RARB: variants seen among roughly 807,000 people sequenced by gnomAD.
RARB encodes the protein retinoic acid receptor beta, also known as HBV-activated protein.
A neutral mutation model predicts 51.9 loss-of-function variants in RARB; 17 were observed. The ratio of observed to expected loss-of-function variants is 0.33; its 90% CI spans 0.22 to 0.49. RARB has a LOEUF of 0.49. RARB is among the 20% of genes least tolerant of loss of function. The pLI is 0.99. For synonymous variants in RARB, 215 were observed against 195.4 expected, an observed-to-expected ratio of 1.10 and a Z score of -0.84; for missense variants, 369 against 550.8, an observed-to-expected ratio of 0.67 and a Z score of 3.30.
chr3:25,587,259 G>T (rs1250807791), intron 5 of RARB, among the ~76,000 whole-genome samples: 3 of 152,172 alleles, frequency 2.0e-5, no homozygotes, highest in African/African-American at 4.8e-5. Context: ...ATGAAGTGTG[G>T]TGTCTGAGCT....
chr3:25,001,997 C>T (rs1697172151), intron 2 of RARB, among the ~76,000 whole-genome samples: 1 of 152,062 alleles, frequency 6.6e-6, no homozygotes, highest in South Asian at 2.1e-4. Context: ...TCTCAAACAC[C>T]TGGGCCCAAG....
intron 4 of RARB, among the ~76,000 whole-genome samples, chr3:25,163,340 CA>C (rs1012638409): frequency 6.6e-6 from 1 of 150,716 alleles, no homozygotes; most frequent in Non-Finnish European, 1.5e-5. Context: ...CCTGTCTCTA[CA>C]AAAAAAATAA....
At chr3:25,239,803 C>A (rs759043498) in intron 5 of RARB, among the ~76,000 whole-genome samples, 4 of 151,742 alleles carry the variant, frequency 2.6e-5, no homozygotes. Context: ...TGGTTCCATA[C>A]AAATTTTTTC....
At chr3:25,308,506 T>C (rs964251199) in intron 5 of RARB, among the ~76,000 whole-genome samples, 1 of 150,022 alleles carries the variant, frequency 6.7e-6, no homozygotes, top group Non-Finnish European at 1.5e-5. Flanking sequence ...TGGAGTGCAG[T>C]GGCGTGGTCT....
At chr3:24,882,373 ACT>A (rs1357468150) in intron 2 of RARB, among the ~76,000 whole-genome samples, 1 of 152,198 alleles carries the variant, frequency 6.6e-6, no homozygotes, top group African/African-American at 2.4e-5. Flanking sequence ...AATAAAAATA[ACT>A]CTAGCATTTA....
rs76382357 is a variant in RARB at position 24,913,874 on chromosome 3, A to G, written c.-380+55122A>G. Among the ~76,000 whole-genome samples, 690 of 152,326 alleles carry G rather than the reference A, an allele frequency of 4.5e-3. 1 individual carries two copies. Among genetic ancestry groups the G allele is most frequent in the African/African-American group, 0.016 (648 of 41,582 alleles). ...TAAAATAGTACTCCAGCACTTAGTG[A>G]CATTCGGGGTTTACTCACTATGTAT... On this transcript the variant is annotated intron_variant, in intron 2 of 11. Coordinates refer to the RARB transcript ENST00000383772.
intron 3 of RARB, among the ~76,000 whole-genome samples, chr3:25,505,371 TGGTTAA>T (rs1697531286): frequency 6.6e-6 from 1 of 152,214 alleles, no homozygotes; most frequent in South Asian, 2.1e-4. Flanking sequence ...TTATTGCCAG[TGGTTAA>T]TAAAACAATA....
At chr3:24,895,874 A>G (rs1703468570) in intron 2 of RARB, among the ~76,000 whole-genome samples, 1 of 152,206 alleles carries the variant, frequency 6.6e-6, no homozygotes, top group Admixed American at 6.5e-5. Context: ...TATACTCCCA[A>G]AAATTGAAAG....
chr3:24,883,882 A>G (rs1209042649), intron 2 of RARB, among the ~76,000 whole-genome samples: 1 of 152,104 alleles, frequency 6.6e-6, no homozygotes, highest in East Asian at 1.9e-4. Flanking sequence ...ATTTATATCT[A>G]TGTATCATAT....
intron 1 of RARB, among the ~76,000 whole-genome samples, chr3:24,836,237 A>C (rs938444501): frequency 6.6e-5 from 10 of 152,290 alleles, no homozygotes; most frequent in African/African-American, 2.2e-4. Flanking sequence ...AGGCAATTGG[A>C]ATTAGGTCTG....
intron 5 of RARB, among the ~76,000 whole-genome samples, chr3:25,196,165 C>T (rs1445970471): frequency 6.6e-6 from 1 of 151,976 alleles, no homozygotes; most frequent in African/African-American, 2.4e-5. Flanking sequence ...TGGTGTGCTG[C>T]ACCCACTAAT....
intron 2 of RARB, among the ~76,000 whole-genome samples, chr3:24,897,008 T>C (rs1206014824): frequency 6.6e-6 from 1 of 152,222 alleles, no homozygotes; most frequent in Non-Finnish European, 1.5e-5. Context: ...TCGGTAACTT[T>C]AGCTCATGGA....
intron 5 of RARB, among the ~76,000 whole-genome samples, chr3:25,311,691 T>C (rs1704293891): frequency 6.6e-6 from 1 of 152,210 alleles, no homozygotes. Context: ...AAGGGAAATA[T>C]GGAAAGGAAT....
At chr3:24,848,399 C>T (rs1225706262) in intron 1 of RARB, among the ~76,000 whole-genome samples, 1 of 150,356 alleles carries the variant, frequency 6.7e-6, no homozygotes, top group African/African-American at 2.5e-5. Flanking sequence ...AATACTGTCT[C>T]TCTTTCTTTT....
intron 2 of RARB, chr3:24,858,849 C>T (rs1173694305): frequency 6.6e-6 from 1 of 151,744 alleles, no homozygotes; most frequent in South Asian, 2.1e-4. Flanking sequence ...CCAGCCTGGC[C>T]AACATGGTAT....
intron 3 of RARB, among the ~76,000 whole-genome samples, chr3:25,083,866 G>A (rs1236213998): frequency 2.0e-5 from 3 of 152,140 alleles, no homozygotes; most frequent in Admixed American, 1.3e-4. Flanking sequence ...TTTAGGGTTA[G>A]AGTTGCCTTA....
At chr3:25,224,833 A>T (rs112422509) in intron 5 of RARB, among the ~76,000 whole-genome samples, 3,630 of 151,894 alleles carry the variant, frequency 0.024, 61 homozygotes, top group Non-Finnish European at 0.036. Context: ...TCGGACTCCT[A>T]GGCTCGAGCA....
chr3:25,167,727 G>A (rs1351040136), intron 4 of RARB, among the ~76,000 whole-genome samples: 4 of 152,204 alleles, frequency 2.6e-5, no homozygotes, highest in African/African-American at 7.2e-5. Flanking sequence ...TAGACACCAA[G>A]CATCAATATA....
rs145313014 is a variant in RARB, at chr3:24,832,453, G to A, written c.-459+3050G>A. ...TTCATTACAGTGGAGCCTGGTGACTGTGTAAGATTGGGGTAAGTTCTTAGC... is the reference window on the plus strand; with the variant it reads ...TTCATTACAGTGGAGCCTGGTGACTATGTAAGATTGGGGTAAGTTCTTAGC... On this transcript the variant is annotated intron_variant, in intron 1 of 11. Transcript: ENST00000383772. 1.3e-3 allele frequency among the ~76,000 whole-genome samples: 196 copies of A among 151,942 alleles called. 1 individual carries two copies. The highest frequency in any genetic ancestry group is 4.6e-3 in the African/African-American group (191 of 41,420).
Sources: gnomAD v4.1 joint callset for allele counts (sites outside exome capture counted in the v4.1 genomes callset) on GRCh38, gnomAD v4.1.1 for gene constraint, MANE v1.5 for transcripts, NCBI Gene and HGNC (gene_info 2026-07-23, HGNC 2026-07-21) for gene names.